ANK2: variants seen among roughly 807,000 people sequenced by gnomAD.
ANK2 encodes the protein ankyrin 2, also known as ankyrin-2.
In ANK2, 83 loss-of-function variants were observed where a neutral mutation model predicts 360.5. The observed-to-expected ratio is 0.23, with a 90% confidence interval of 0.19 to 0.28. The LOEUF (loss-of-function observed/expected upper bound fraction) is 0.28. Ranked by LOEUF, ANK2 falls within the 10% of genes least tolerant of loss-of-function variation. The probability of loss-of-function intolerance (pLI) is 1.00; values close to 1 mark genes in which losing one functional copy is unlikely to be tolerated. For synonymous variants in ANK2, 1,740 were observed against 1,759.5 expected (o/e 0.99, Z 0.28); for missense variants, 4,201 against 4,795.7 (o/e 0.88, Z 3.66).
At chr4:112,947,596 G>A (rs981198447) in intron 2 of ANK2, among the ~76,000 whole-genome samples, 4 of 151,202 alleles carry the variant, frequency 2.6e-5, no homozygotes, top group Non-Finnish European at 5.9e-5. Flanking sequence ...CAGAGAGCTA[G>A]GGGGAAGCAG....
At chr4:112,970,195 A>C (rs561140967) in intron 2 of ANK2, among the ~76,000 whole-genome samples, 1 of 152,092 alleles carries the variant, frequency 6.6e-6, no homozygotes, top group South Asian at 2.1e-4. Flanking sequence ...CATGTTGGCC[A>C]GGCTGATCTC....
At chr4:112,999,918 CAG>C (rs2050012972) in intron 2 of ANK2, among the ~76,000 whole-genome samples, 1 of 152,022 alleles carries the variant, frequency 6.6e-6, no homozygotes, top group African/African-American at 2.4e-5. Flanking sequence ...TTAAGAGTGA[CAG>C]AGAGGAAAAA....
intron 1 of ANK2, among the ~76,000 whole-genome samples, chr4:113,064,739 C>A (rs1184765770): frequency 6.6e-6 from 1 of 150,878 alleles, no homozygotes; most frequent in African/African-American, 2.4e-5. Context: ...TTCTGTAGAA[C>A]TTCTAACAAA....
intron 23 of ANK2, among the ~76,000 whole-genome samples, chr4:113,304,346 C>A (rs1407749330): frequency 6.6e-6 from 1 of 152,114 alleles, no homozygotes; most frequent in Admixed American, 6.5e-5. Flanking sequence ...CTGGATAGAA[C>A]AACTTGTTTA....
At chr4:113,161,603 G>A (rs1025881406) in intron 1 of ANK2, among the ~76,000 whole-genome samples, 1 of 151,848 alleles carries the variant, frequency 6.6e-6, no homozygotes, top group African/African-American at 2.4e-5. Context: ...GTTGTGCCCT[G>A]GTCTTATGGG....
At chr4:113,232,343 C>A in intron 5 of ANK2, 84 bp downstream of exon 5, 1 of 1,055,730 alleles carries the variant, frequency 9.5e-7, no homozygotes, top group Non-Finnish European at 1.5e-6. Context: ...GTCTCCATTA[C>A]TTTGTCTAAA....
At chr4:112,710,225 C>A in the ANK2 span, among the ~76,000 whole-genome samples, 3 of 152,194 alleles carry the variant, frequency 2.0e-5, no homozygotes, top group African/African-American at 7.2e-5. Context: ...CCTTACTTTG[C>A]AATCACTGTT....
chr4:112,780,028 G>T, the ANK2 span, among the ~76,000 whole-genome samples: 1 of 152,064 alleles, frequency 6.6e-6, no homozygotes, highest in African/African-American at 2.4e-5. Flanking sequence ...TTCAAGACCA[G>T]CTTGGGAAAC....
At chr4:112,752,469 C>T in the ANK2 span, among the ~76,000 whole-genome samples, 167 of 152,186 alleles carry the variant, frequency 1.1e-3, 3 homozygotes, top group East Asian at 7.9e-3. Context: ...TGGAGTGCAA[C>T]AGCAGAATCC....
At position 112,823,994 on chromosome 4, in the gene ANK2, G is replaced by T. The variant is rs191129554; in HGVS notation, c.-40+5730G>T. On this transcript the variant is annotated intron_variant, in intron 1 of 30. Coordinates refer to the ANK2 transcript ENST00000503271. ...TCATGGATTTAGGCTTCTATACTTC[G>T]ATCTGTTTTGATTAATGCCGATTTT... is the stretch of plus-strand genomic sequence containing the variant. Among the ~76,000 whole-genome samples, 478 of 152,240 alleles carry T rather than the reference G, an allele frequency of 3.1e-3. 2 individuals are homozygous for T. The highest frequency in any genetic ancestry group is 4.9e-3 in the Non-Finnish European group (335 of 68,006).
chr4:112,817,539 A>G (rs142473829), upstream of ANK2, among the ~76,000 whole-genome samples: 1 of 152,254 alleles, frequency 6.6e-6, no homozygotes, highest in African/African-American at 2.4e-5. Context: ...ACTGAGTCTC[A>G]TGGTTACCTC....
chr4:113,311,317 G>A lies in ANK2; in HGVS notation c.2611G>A (p.Gly871Ser). ...TAGGCCTGAGGACCTAAAAGAACTG[G>A]GTGATGACTCACTACCCAGCAGTCA... ...YLRPEDLKELGDDSLPSSQFL... is the reference protein window; with the variant it reads ...YLRPEDLKELSDDSLPSSQFL... Residue 871 changes from glycine to serine, a missense_variant, in exon 24 of 46, where the codon GGT becomes AGT. Physicochemically the swap from Gly to Ser is moderately conservative, Grantham distance 56. Transcript: ENST00000357077. The A allele has an allele frequency of 1.9e-6, 3 of 1,614,086 alleles. No homozygotes were observed. The highest frequency in any genetic ancestry group is 1.7e-6 in the Non-Finnish European group (2 of 1,179,994).
intron 2 of ANK2, among the ~76,000 whole-genome samples, chr4:113,038,426 G>A (rs2062098521): frequency 6.6e-6 from 1 of 151,828 alleles, no homozygotes; most frequent in Admixed American, 6.6e-5. Flanking sequence ...TTGCAGTTCT[G>A]GCTAGCAGAG....
intron 30 of ANK2, 165 bp downstream of exon 30, chr4:113,336,222 A>G (rs1563858546): frequency 1.6e-5 from 12 of 728,656 alleles, no homozygotes; most frequent in Non-Finnish European, 1.9e-5. Context: ...TTACTAATCT[A>G]TTTAAAAATT....
intron 1 of ANK2, among the ~76,000 whole-genome samples, chr4:113,088,397 A>G (rs763050042): frequency 1.4e-4 from 21 of 152,202 alleles, no homozygotes; most frequent in Non-Finnish European, 1.9e-4. Context: ...GTCTATGCAA[A>G]CAAAACATGA....
At chr4:113,051,101 A>G (rs913160644) in intron 1 of ANK2, among the ~76,000 whole-genome samples, 2 of 152,188 alleles carry the variant, frequency 1.3e-5, no homozygotes, top group African/African-American at 4.8e-5. Context: ...TTTTGTACCT[A>G]AGCATTCCAG....
At chr4:113,084,902 A>C (rs1401844712) in intron 1 of ANK2, among the ~76,000 whole-genome samples, 3 of 152,246 alleles carry the variant, frequency 2.0e-5, no homozygotes, top group Non-Finnish European at 4.4e-5. Context: ...AGAGAGACAG[A>C]ACAAGTGTTC....
At chr4:113,032,232 A>T (rs1383701981) in intron 2 of ANK2, among the ~76,000 whole-genome samples, 2 of 152,090 alleles carry the variant, frequency 1.3e-5, no homozygotes, top group African/African-American at 4.8e-5. Flanking sequence ...AGAGATATAG[A>T]ATGTTTTGGA....
At chr4:113,346,340 A>C (rs1351706618) in intron 35 of ANK2, among the ~76,000 whole-genome samples, 3 of 152,160 alleles carry the variant, frequency 2.0e-5, no homozygotes, top group Non-Finnish European at 2.9e-5. Context: ...TTTTTGAAGA[A>C]ATTTTTAAAA....
Sources: allele counts gnomAD v4.1 joint callset (sites outside exome capture counted in the v4.1 genomes callset), GRCh38; gene constraint gnomAD v4.1.1; transcripts MANE v1.5; gene names NCBI Gene and HGNC (gene_info 2026-07-23, HGNC 2026-07-21).